The following SLIT1 variants were observed in gnomAD, a reference collection of about 807,000 sequenced individuals.
SLIT1 encodes slit homolog 1 protein.
SLIT1 carries 66 observed loss-of-function variants against 186.1 expected under a neutral mutation model. The ratio of observed to expected loss-of-function variants is 0.35; its 90% CI spans 0.29 to 0.44. The LOEUF is 0.44. SLIT1 is among the 20% of genes least tolerant of loss of function. The pLI, the probability that SLIT1 is intolerant of heterozygous loss-of-function variation, is 1.00. For synonymous variants in SLIT1, 761 were observed against 833.8 expected (o/e 0.91, Z 1.50); for missense variants, 1,638 against 2,037.4 (o/e 0.80, Z 3.77).
chr10:97,137,877 C>A (rs535165314), intron 4 of SLIT1, among the ~76,000 whole-genome samples: 1 of 152,308 alleles, frequency 6.6e-6, no homozygotes, highest in South Asian at 2.1e-4. Context: ...CTGTGCTCAA[C>A]AATTTAGATT....
At chr10:97,027,700 T>C (rs934346975) in intron 25 of SLIT1, among the ~76,000 whole-genome samples, 2 of 152,256 alleles carry the variant, frequency 1.3e-5, no homozygotes, top group African/African-American at 4.8e-5. Flanking sequence ...TATAGATGGG[T>C]ATAGGCTCAA....
At position 97,006,360 on chromosome 10, in the gene SLIT1, T is replaced by G; in HGVS notation, c.3579+123A>C. 2 of 670,206 alleles carry G rather than the reference T, an allele frequency of 3.0e-6. No homozygotes were observed. Among genetic ancestry groups the G allele is most frequent in the Non-Finnish European group, 5.3e-6 (2 of 379,994 alleles). 41.5% of individuals were successfully genotyped at this position (670,206 alleles called of 1,614,324 possible). A position where few individuals can be genotyped will look rare whatever the true frequency, so the allele number is the denominator to read the frequency against. ...TTTTGATACCCATATGCAAAACGTT[T>G]TGATTACACAGAGTCCTTCCAGTTC... On this transcript the variant is annotated intron_variant, in intron 32 of 36. Coordinates refer to ENST00000266058, the MANE Select transcript of SLIT1 (RefSeq NM_003061.3). The surrounding 1 kb of genome is among the most constrained non-coding windows in gnomAD (Gnocchi z 4.0).
intron 24 of SLIT1, 78 bp downstream of exon 24, chr10:97,031,528 C>T (rs1190620309): frequency 2.6e-6 from 3 of 1,168,942 alleles, no homozygotes; most frequent in Non-Finnish European, 2.5e-6. Flanking sequence ...GACATGGGAA[C>T]ATTTCTGCCC....
intron 4 of SLIT1, among the ~76,000 whole-genome samples, chr10:97,139,279 CA>C (rs1233438708): frequency 6.6e-6 from 1 of 152,190 alleles, no homozygotes; most frequent in East Asian, 1.9e-4. Flanking sequence ...TTGCAAACAT[CA>C]ACCAGGAATC....
chr10:97,166,095 T>C (rs1436032003), intron 1 of SLIT1, among the ~76,000 whole-genome samples: 2 of 152,076 alleles, frequency 1.3e-5, no homozygotes, highest in Non-Finnish European at 2.9e-5. Context: ...TCACGCCCCA[T>C]GTTCACCTGC....
At chr10:97,090,274 G>A (rs2134662551) in intron 4 of SLIT1, among the ~76,000 whole-genome samples, 1 of 152,310 alleles carries the variant, frequency 6.6e-6, no homozygotes, top group East Asian at 1.9e-4. Context: ...CGCGTGGTTG[G>A]TGGGCTTCCC....
At chr10:97,003,473 G>A (rs558675547) in intron 34 of SLIT1, among the ~76,000 whole-genome samples, 2 of 152,338 alleles carry the variant, frequency 1.3e-5, no homozygotes, top group South Asian at 2.1e-4. Context: ...GCCTGAAGCT[G>A]CACAAGGAGT....
At chr10:97,049,226 G>C in intron 13 of SLIT1, 108 bp from the exon 14 acceptor site, 1 of 1,346,636 alleles carries the variant, frequency 7.4e-7, no homozygotes, top group Non-Finnish European at 1.0e-6. Context: ...GCTGCCTGTG[G>C]CCTGGAGCCT....
rs1848878104 is a variant in SLIT1, at chr10:97,060,069, G to A, written c.1013+18C>T. On this transcript the variant is annotated intron_variant, in intron 10 of 36. Coordinates refer to ENST00000266058, the MANE Select transcript of SLIT1 (RefSeq NM_003061.3). ...CAGCCCTGTACCAGCTCCCCAGGAA[G>A]CAGTGGGAGGCACTCACATCCTCCG... The A allele has an allele frequency of 1.3e-6, 2 of 1,596,786 alleles. No homozygotes were observed. Among genetic ancestry groups the A allele is most frequent in the African/African-American group, 1.3e-5 (1 of 74,612 alleles).
At chr10:97,176,771 C>T (rs1434978793) in intron 1 of SLIT1, among the ~76,000 whole-genome samples, 1 of 152,194 alleles carries the variant, frequency 6.6e-6, no homozygotes, top group Non-Finnish European at 1.5e-5. Context: ...CTCCTTTGGC[C>T]TTTGCAATGA....
At chr10:97,074,341 G>A (rs557884379) in intron 4 of SLIT1, among the ~76,000 whole-genome samples, 39 of 152,324 alleles carry the variant, frequency 2.6e-4, no homozygotes, top group Non-Finnish European at 1.5e-4. Flanking sequence ...GACTGGCCAA[G>A]GGAGAGGCAG....
chr10:97,091,091 T>C (rs1252887610), intron 4 of SLIT1, among the ~76,000 whole-genome samples: 1 of 152,282 alleles, frequency 6.6e-6, no homozygotes, highest in African/African-American at 2.4e-5. Context: ...CGGTTTGATA[T>C]CATTCTATCA....
At chr10:97,160,971 C>T (rs913081158) in intron 3 of SLIT1, among the ~76,000 whole-genome samples, 1 of 152,114 alleles carries the variant, frequency 6.6e-6, no homozygotes, top group African/African-American at 2.4e-5. Flanking sequence ...TCCACCCCCA[C>T]CACCTGGCCT....
intron 3 of SLIT1, among the ~76,000 whole-genome samples, chr10:97,161,823 A>G (rs554343242): frequency 1.6e-4 from 24 of 152,340 alleles, no homozygotes; most frequent in Admixed American, 9.1e-4. Context: ...TTAAGAGCTC[A>G]GACTTTGAAG....
intron 20 of SLIT1, among the ~76,000 whole-genome samples, chr10:97,040,686 A>G (rs1166807339): frequency 6.6e-6 from 1 of 152,196 alleles, no homozygotes; most frequent in East Asian, 1.9e-4. Context: ...CTTGAATCAT[A>G]AAGTGGGTCC....
intron 4 of SLIT1, among the ~76,000 whole-genome samples, chr10:97,143,785 C>A (rs1351358148): frequency 6.6e-6 from 1 of 152,188 alleles, no homozygotes; most frequent in East Asian, 1.9e-4. Context: ...CGTACAACAA[C>A]CTCTGCTGCC....
chr10:97,111,442 G>A (rs1432220085), intron 4 of SLIT1, among the ~76,000 whole-genome samples: 4 of 152,070 alleles, frequency 2.6e-5, no homozygotes, highest in South Asian at 2.1e-4. Flanking sequence ...CATTATAACC[G>A]TGGAAACTAA....
At chr10:97,085,637 C>T (rs891929082) in intron 4 of SLIT1, among the ~76,000 whole-genome samples, 1 of 151,930 alleles carries the variant, frequency 6.6e-6, no homozygotes, top group Non-Finnish European at 1.5e-5. Context: ...CCGCCCGCCT[C>T]AGCCTCCCAA....
chr10:97,033,477 C>T (rs1323751062), intron 23 of SLIT1, among the ~76,000 whole-genome samples: 1 of 152,166 alleles, frequency 6.6e-6, no homozygotes, highest in African/African-American at 2.4e-5. Flanking sequence ...AGGGTCACCG[C>T]TCACAACAAT....
Sources: allele counts gnomAD v4.1 joint callset (sites outside exome capture counted in the v4.1 genomes callset), GRCh38; gene constraint gnomAD v4.1.1; non-coding constraint Gnocchi (gnomAD v3.1); transcripts MANE v1.5; gene names NCBI Gene and HGNC (gene_info 2026-07-23, HGNC 2026-07-21).